TJP2: variants seen among roughly 807,000 people sequenced by gnomAD.
TJP2 encodes the protein Friedreich ataxia region gene X104 (tight junction protein ZO-2).
Under a neutral mutation model 133.1 loss-of-function variants are expected in TJP2, and 91 were observed. The observed-to-expected ratio is 0.68, with a 90% CI of 0.58 to 0.81. TJP2 has a LOEUF of 0.81. TJP2 is among the 40% of genes least tolerant of loss of function. TJP2 has a pLI of 0.00. For missense variants in TJP2, 1,541 were observed against 1,565.6 expected, an observed-to-expected ratio of 0.98 and a Z score of 0.26; for synonymous variants, 592 against 583.4, an observed-to-expected ratio of 1.01 and a Z score of -0.21.
chr9:69,212,504 A>T (rs377216399), intron 1 of TJP2, 44 bp from the exon 2 acceptor site: 24 of 1,439,210 alleles, frequency 1.7e-5, no homozygotes, highest in Non-Finnish European at 2.4e-5. Context: ...TAGCATTGAA[A>T]AGGTTGTGGT....
At chr9:69,219,055 C>T (rs972626755) in intron 4 of TJP2, among the ~76,000 whole-genome samples, 4 of 151,816 alleles carry the variant, frequency 2.6e-5, no homozygotes, top group Admixed American at 2.0e-4. Flanking sequence ...CCACAATCTC[C>T]GCCTCCTGGG....
At chr9:69,230,277 T>A in intron 11 of TJP2, 45 bp downstream of exon 11, 1 of 1,611,858 alleles carries the variant, frequency 6.2e-7, no homozygotes, top group Non-Finnish European at 8.5e-7. Flanking sequence ...TTGTAAGGAG[T>A]GCACTTTTCT....
Position 69,237,025 on chromosome 9 carries a change from G to C in TJP2, c.2068G>C (p.Gly690Arg), listed in dbSNP as rs1168315202. The C allele has an allele frequency of 3.7e-6, 6 of 1,614,166 alleles. No individual in the cohort carries two copies. The highest frequency in any genetic ancestry group is 5.1e-6 in the Non-Finnish European group (6 of 1,180,042). The stretch of plus-strand genomic sequence containing the variant: ...CCGGGCAGATTTCTGGAGAATGCGT[G>C]GCCAGAGGTCTGGGGTGAAGAAGAA... ...GDRADFWRMR[G>R]QRSGVKKNLR... The change falls in exon 14 of 23, where the codon GGC becomes CGC. Residue 690 changes from glycine (G) to arginine (R), a missense_variant. Physicochemically the swap from Gly to Arg is moderately radical, Grantham distance 125. Coordinates refer to ENST00000377245, the MANE Select transcript of TJP2 (RefSeq NM_004817.4).
At chr9:69,169,372 G>C (rs946003990), upstream of TJP2, among the ~76,000 whole-genome samples, 4 of 147,698 alleles carry the variant, frequency 2.7e-5, no homozygotes, top group Non-Finnish European at 6.0e-5. Flanking sequence ...TTTTTTTTGG[G>C]GGGGGGATGG....
At position 69,237,885 on chromosome 9, in the gene TJP2, C is replaced by T. The variant is rs755082339; in HGVS notation, c.2187C>T (p.Phe729=). ...CCTTTCTTGTCATTTCAGCTGGTTT[C>T]AAGAGACCTGTGGTCTTATTCGGCC... ...YERVLLREAG[F]KRPVVLFGPI... is the part of the protein sequence containing the mutation. Residue 729 remains phenylalanine, a synonymous_variant, in exon 15 of 23, where the codon TTC becomes TTT. Transcript: ENST00000377245. The T allele has an allele frequency of 1.5e-5, 24 of 1,613,124 alleles. No homozygotes were observed. The highest frequency in any genetic ancestry group is 1.9e-5 in the Non-Finnish European group (22 of 1,179,276).
chr9:69,147,819 A>G (rs1342873158), intron 1 of TJP2, among the ~76,000 whole-genome samples: 1 of 152,176 alleles, frequency 6.6e-6, no homozygotes, highest in Admixed American at 6.5e-5. Flanking sequence ...CGTTTCCTTA[A>G]GCTGGATGAA....
intron 1 of TJP2, among the ~76,000 whole-genome samples, chr9:69,207,726 C>T (rs1008778696): frequency 6.6e-6 from 1 of 152,186 alleles, no homozygotes; most frequent in Non-Finnish European, 1.5e-5. Context: ...GTCTGATCTG[C>T]GCATAGCCAA....
Position 69,254,695 on chromosome 9 carries a change from C to T in TJP2, c.*321C>T, listed in dbSNP as rs1831580560. Reference sequence around the variant, plus strand: ...TACTTGTAATATGTATATTAAGAAGCAATAACTATTTTTCCTCATTAATAG... The same window carrying T: ...TACTTGTAATATGTATATTAAGAAGTAATAACTATTTTTCCTCATTAATAG... On this transcript the variant is annotated 3_prime_UTR_variant, in exon 23 of 23. Coordinates refer to ENST00000377245, the MANE Select transcript of TJP2 (RefSeq NM_004817.4). 1.8e-6 allele frequency: 1 copy of T among 571,412 alleles called. No individual in the cohort carries two copies. Among genetic ancestry groups the T allele is most frequent in the South Asian group, 2.4e-5 (1 of 41,144 alleles). 35.4% of individuals were successfully genotyped at this position (571,412 alleles called of 1,614,324 possible).
chr9:69,230,818 A>G (rs547455012), intron 11 of TJP2, among the ~76,000 whole-genome samples: 11 of 152,362 alleles, frequency 7.2e-5, no homozygotes, highest in Admixed American at 7.2e-4. Flanking sequence ...CTGGCACAGA[A>G]TAGGAAGGTG....
chr9:69,198,323 G>C (rs1826744924), intron 1 of TJP2, among the ~76,000 whole-genome samples: 1 of 152,070 alleles, frequency 6.6e-6, no homozygotes, highest in Admixed American at 6.5e-5. Context: ...TTTATTTTCA[G>C]TAGAGATGGG....
chr9:69,158,327 CAAAAA>C (rs1156502519), intron 2 of TJP2, among the ~76,000 whole-genome samples: 2 of 52,768 alleles, frequency 3.8e-5, no homozygotes, highest in Non-Finnish European at 6.4e-5. Context: ...GACTTTGCCT[CAAAAA>C]AAAAAAAAAA....
chr9:69,225,487 T>C, intron 6 of TJP2, 80 bp downstream of exon 6: 1 of 918,684 alleles, frequency 1.1e-6, no homozygotes. Context: ...ACCCACACAG[T>C]GAGACTTAGA....
At chr9:69,170,921 A>G (rs1824645033), upstream of TJP2, among the ~76,000 whole-genome samples, 1 of 152,128 alleles carries the variant, frequency 6.6e-6, no homozygotes, top group South Asian at 2.1e-4. Context: ...TTCAACTTTT[A>G]TGATACATTG....
chr9:69,121,667 T>TTCGCCC (rs904946354), exon 1 of TJP2: 3 of 153,084 alleles, frequency 2.0e-5, no homozygotes, highest in South Asian at 2.1e-4. Context: ...GAGAGCCGCC[T>TTCGCCC]TCGCCCTCGC....
chr9:69,217,727 A>G (rs1490876336), intron 3 of TJP2, among the ~76,000 whole-genome samples: 2 of 152,354 alleles, frequency 1.3e-5, no homozygotes, highest in Admixed American at 1.3e-4. Context: ...CTATAGTTTT[A>G]TCAAAGTTAG....
At chr9:69,136,400 G>A (rs1397312007) in intron 1 of TJP2, among the ~76,000 whole-genome samples, 1 of 152,132 alleles carries the variant, frequency 6.6e-6, no homozygotes, top group East Asian at 1.9e-4. Context: ...AAGTTAAAAT[G>A]TACAGTTCAT....
intron 2 of TJP2, among the ~76,000 whole-genome samples, chr9:69,154,209 A>G (rs564493793): frequency 4.6e-5 from 7 of 152,330 alleles, no homozygotes; most frequent in African/African-American, 1.7e-4. Flanking sequence ...AACTCAGACG[A>G]GTAAAAAGGT....
intron 1 of TJP2, among the ~76,000 whole-genome samples, chr9:69,195,371 G>A (rs1826479501): frequency 6.6e-6 from 1 of 151,510 alleles, no homozygotes; most frequent in African/African-American, 2.4e-5. Context: ...TTAGCTTAGT[G>A]TATCAGAACT....
At chr9:69,123,205 A>G (rs570349009) in intron 1 of TJP2, among the ~76,000 whole-genome samples, 1 of 80,268 alleles carries the variant, frequency 1.2e-5, no homozygotes, top group South Asian at 3.3e-4. Context: ...GCCCACCAGG[A>G]CACTCTACAG....
Sources: allele counts gnomAD v4.1 joint callset (sites outside exome capture counted in the v4.1 genomes callset), GRCh38; gene constraint gnomAD v4.1.1; transcripts MANE v1.5; gene names NCBI Gene and HGNC (gene_info 2026-07-23, HGNC 2026-07-21).